Variants in ST3GAL1 observed in about 807,000 individuals in gnomAD.
ST3GAL1 encodes the protein ST3 beta-galactoside alpha-2,3-sialyltransferase 1, also known as CMP-N-acetylneuraminate-beta-galactosamide-alpha-2,3-sialyltransferase 1.
In ST3GAL1, 16 loss-of-function variants were observed where a neutral mutation model predicts 34.1. The ratio of observed to expected loss-of-function variants is 0.47; its 90% CI spans 0.32 to 0.71. The LOEUF (loss-of-function observed/expected upper bound fraction) is 0.71. Ranked by LOEUF, ST3GAL1 falls within the 30% of genes least tolerant of loss-of-function variation. The pLI, the probability that ST3GAL1 is intolerant of heterozygous loss-of-function variation, is 0.04. For missense variants in ST3GAL1, 353 were observed against 447.4 expected (o/e 0.79, Z 1.90); for synonymous variants, 191 against 184.7 (o/e 1.03, Z -0.28).
chr8:133,463,496 G>C (rs371762827), intron 7 of ST3GAL1, 37 bp from the exon 8 acceptor site: 2 of 1,611,790 alleles, frequency 1.2e-6, no homozygotes, highest in Non-Finnish European at 1.7e-6. Context: ...TAATGGGGCA[G>C]GGGACAGGCC....
In ST3GAL1 at chr8:133,459,994, G is replaced by A. The variant is rs1815437463; in HGVS notation, c.850-57C>T. 1.3e-6 allele frequency: 2 copies of A among 1,536,976 alleles called. No homozygotes were observed. The highest frequency in any genetic ancestry group is 2.5e-5 in the South Asian group (2 of 81,188). On this transcript the variant is annotated intron_variant, in intron 9 of 9. Coordinates refer to ENST00000522652, the MANE Select transcript of ST3GAL1 (RefSeq NM_173344.3). The surrounding 1 kb of genome is among the most constrained non-coding windows in gnomAD (Gnocchi z 4.7). ...CAGCAGGGCTGCTGGTGGCACCTCT[G>A]AGAAAGGAAGCCTGTAGGCGTTCCT...
chr8:133,535,122 C>T (rs1027886092), intron 2 of ST3GAL1, among the ~76,000 whole-genome samples: 5 of 152,114 alleles, frequency 3.3e-5, no homozygotes, highest in South Asian at 4.1e-4. Flanking sequence ...GCTGAGGGCT[C>T]CCCAGGAAAG....
intron 2 of ST3GAL1, among the ~76,000 whole-genome samples, chr8:133,538,256 T>C (rs1441412351): frequency 6.6e-6 from 1 of 152,252 alleles, no homozygotes; most frequent in African/African-American, 2.4e-5. Context: ...GGCTCATGTC[T>C]GTAATCCCAT....
intron 3 of ST3GAL1, among the ~76,000 whole-genome samples, chr8:133,490,644 G>A (rs1186408719): frequency 1.3e-5 from 2 of 152,244 alleles, no homozygotes; most frequent in African/African-American, 2.4e-5. Flanking sequence ...AAAAGCACAT[G>A]GTGGTGATGA....
At chr8:133,487,425 T>C (rs1249436334) in intron 3 of ST3GAL1, among the ~76,000 whole-genome samples, 1 of 152,002 alleles carries the variant, frequency 6.6e-6, no homozygotes, top group African/African-American at 2.4e-5. Flanking sequence ...GAACTGCATA[T>C]GTGTGTGTGT....
At chr8:133,481,414 T>C (rs1586602149) in intron 3 of ST3GAL1, among the ~76,000 whole-genome samples, 2 of 152,230 alleles carry the variant, frequency 1.3e-5, no homozygotes, top group South Asian at 4.1e-4. Flanking sequence ...CTGTCTCCCC[T>C]GTACTATGAG....
At chr8:133,491,540 C>T (rs559380162) in intron 3 of ST3GAL1, among the ~76,000 whole-genome samples, 14 of 144,600 alleles carry the variant, frequency 9.7e-5, no homozygotes, top group Admixed American at 2.7e-4. Context: ...CAGTCTGACA[C>T]GTGGCTTAAA....
intron 3 of ST3GAL1, chr8:133,489,723 T>TA (rs1816730547): frequency 6.6e-6 from 1 of 152,196 alleles, no homozygotes; most frequent in Non-Finnish European, 1.5e-5. Flanking sequence ...AGAAATGTAG[T>TA]CAACACCAGT....
chr8:133,528,700 T>C (rs1818048253), intron 2 of ST3GAL1, among the ~76,000 whole-genome samples: 1 of 152,236 alleles, frequency 6.6e-6, no homozygotes, highest in African/African-American at 2.4e-5. Flanking sequence ...TGAATAGTCA[T>C]GAGAGATATG....
At chr8:133,464,681 A>T in intron 7 of ST3GAL1, 97 bp downstream of exon 7, 1 of 1,398,810 alleles carries the variant, frequency 7.1e-7, no homozygotes, top group South Asian at 1.4e-5. Flanking sequence ...GAGGGGAGGC[A>T]CCCCGGTGGA....
chr8:133,498,793 T>C (rs1356917555), intron 3 of ST3GAL1, among the ~76,000 whole-genome samples: 4 of 152,158 alleles, frequency 2.6e-5, no homozygotes, highest in Non-Finnish European at 5.9e-5. Context: ...GTCTGGTTCC[T>C]AGAGCTCCTG....
At chr8:133,490,481 C>T (rs1432311520) in intron 3 of ST3GAL1, among the ~76,000 whole-genome samples, 1 of 152,226 alleles carries the variant, frequency 6.6e-6, no homozygotes, top group Non-Finnish European at 1.5e-5. Context: ...CCTCCCAAGA[C>T]ATGATGCCAA....
At chr8:133,552,474 G>A (rs1818890901) in intron 1 of ST3GAL1, among the ~76,000 whole-genome samples, 1 of 152,232 alleles carries the variant, frequency 6.6e-6, no homozygotes, top group African/African-American at 2.4e-5. Flanking sequence ...TTTATGGGCA[G>A]AAATTCTGGG....
chr8:133,525,249 G>A (rs1396287937), intron 2 of ST3GAL1, among the ~76,000 whole-genome samples: 1 of 152,246 alleles, frequency 6.6e-6, no homozygotes, highest in Non-Finnish European at 1.5e-5. Flanking sequence ...CACATAGTGG[G>A]TAGCTCCTTT....
At chr8:133,536,328 T>C (rs2978023) in intron 2 of ST3GAL1, among the ~76,000 whole-genome samples, 44,174 of 152,112 alleles carry the variant, frequency 0.29, 7,571 homozygotes, top group Middle Eastern at 0.41. Flanking sequence ...GAAGGACATA[T>C]TCGGATGCCC....
chr8:133,503,251 C>T (rs1003521478), intron 2 of ST3GAL1, among the ~76,000 whole-genome samples: 5 of 152,126 alleles, frequency 3.3e-5, no homozygotes, highest in Admixed American at 1.3e-4. Context: ...CCCCAACAAA[C>T]GTTTGATTTG....
At position 133,462,057 on chromosome 8, in the gene ST3GAL1, G is replaced by C. The variant is rs1473822331; in HGVS notation, c.730-63C>G. On this transcript the variant is annotated intron_variant, in intron 8 of 9. Coordinates refer to ENST00000522652, the MANE Select transcript of ST3GAL1 (RefSeq NM_173344.3). ...GGGGGGCAAAGGACATGGAGCGCCT[G>C]TCAGATGTACATACTGTTGTGGCCA... is the stretch of plus-strand genomic sequence containing the variant. 3 of 1,607,820 alleles carry C rather than the reference G, an allele frequency of 1.9e-6. No homozygotes were observed. The Admixed American group carries it at 5.0e-5, about 27-fold the overall frequency.
chr8:133,462,628 C>T (rs1046486858), intron 8 of ST3GAL1, among the ~76,000 whole-genome samples: 2 of 152,160 alleles, frequency 1.3e-5, no homozygotes, highest in African/African-American at 4.8e-5. Context: ...AGGGCGTGCA[C>T]GTCCAGAAAG....
Position 133,557,904 on chromosome 8 carries a change from CAA to C in ST3GAL1, c.-581-11980_-581-11979del, listed in dbSNP as rs543479046. Among the ~76,000 whole-genome samples the C allele has an allele frequency of 4.9e-3, 323 of 65,374 alleles. 1 individual carries two copies. The highest frequency in any genetic ancestry group is 0.012 in the African/African-American group (299 of 24,278). The allele number at this position is 65,374 out of a possible 152,430, so 42.9% of individuals were successfully genotyped here. ...TGGGCAACAGAGTGAGACTCCGTCTCAAAAAAAAAAAAAAAAAAAAGAGGCCA... is the reference window on the plus strand; with the variant it reads ...TGGGCAACAGAGTGAGACTCCGTCTCAAAAAAAAAAAAAAAAAAGAGGCCA... On this transcript the variant is annotated intron_variant, in intron 1 of 9. Transcript: ENST00000522652.
Sources: gnomAD v4.1 joint callset for allele counts (sites outside exome capture counted in the v4.1 genomes callset) on GRCh38, gnomAD v4.1.1 for gene constraint, Gnocchi (gnomAD v3.1) non-coding constraint, MANE v1.5 for transcripts, NCBI Gene and HGNC (gene_info 2026-07-23, HGNC 2026-07-21) for gene names.